The following SH3RF3 variants were observed in gnomAD, a reference collection of about 807,000 sequenced individuals.
SH3RF3 encodes E3 ubiquitin-protein ligase SH3RF3.
SH3RF3 carries 29 observed loss-of-function variants against 66.3 expected under a neutral mutation model. The ratio of observed to expected loss-of-function variants is 0.44; its 90% CI spans 0.33 to 0.60. SH3RF3 has a LOEUF of 0.60. Among genes scored for constraint, SH3RF3 ranks in the 20% least tolerant of loss-of-function variants. The pLI, the probability that SH3RF3 is intolerant of heterozygous loss-of-function variation, is 0.04. For missense variants in SH3RF3, 1,194 were observed against 1,190.9 expected, an observed-to-expected ratio of 1.00 and a Z score of -0.04; for synonymous variants, 583 against 532.0, an observed-to-expected ratio of 1.10 and a Z score of -1.32.
At chr2:109,493,997 T>A (rs1679194859) in intron 9 of SH3RF3, among the ~76,000 whole-genome samples, 2 of 152,270 alleles carry the variant, frequency 1.3e-5, no homozygotes, top group Non-Finnish European at 2.9e-5. Context: ...CTGCCTGTGT[T>A]TTCCGGATGG....
At chr2:109,170,128 A>G (rs760350939) in intron 1 of SH3RF3, among the ~76,000 whole-genome samples, 1 of 152,176 alleles carries the variant, frequency 6.6e-6, no homozygotes, top group Non-Finnish European at 1.5e-5. Flanking sequence ...AAGGTGTTTT[A>G]GAGGATTATA....
chr2:109,129,843 G>T lies in SH3RF3; in HGVS notation c.303G>T (p.Val101=). Residue 101 remains valine, a synonymous_variant, in exon 1 of 10, where the codon GTG becomes GTT. Coordinates refer to ENST00000309415, the MANE Select transcript of SH3RF3 (RefSeq NM_001099289.3). ...GCTGCCCCGAGTGCCGCATCCTGGT[G>T]GGCTGCGGCGTGGACGAACTGCCCG... ...ELRCPECRIL[V]GCGVDELPAN... is the part of the protein sequence containing the mutation. 1 of 1,531,942 alleles carries T rather than the reference G, an allele frequency of 6.5e-7. No homozygotes were observed. 94.9% of individuals were successfully genotyped at this position (1,531,942 alleles called of 1,614,324 possible).
chr2:109,392,215 C>G (rs774537827), intron 3 of SH3RF3, among the ~76,000 whole-genome samples: 4 of 152,098 alleles, frequency 2.6e-5, no homozygotes. Flanking sequence ...TGAATATATT[C>G]TTTTTTTTAC....
chr2:109,398,955 C>G lies in SH3RF3; in HGVS notation c.1299+12C>G, dbSNP rs534497883. On this transcript the variant is annotated intron_variant, in intron 4 of 9. Transcript: ENST00000309415. ...CTGCTCCCACCCAGGTAACATCCCG[C>G]GGGCCAGGGCAGGCATCCCTGGGTT... is the stretch of plus-strand genomic sequence containing the variant. The G allele has an allele frequency of 2.5e-6, 4 of 1,602,724 alleles. No homozygotes were observed. In the East Asian group the frequency reaches 8.9e-5, roughly 36 times the overall value.
At chr2:109,212,465 G>A (rs1679008745) in intron 1 of SH3RF3, among the ~76,000 whole-genome samples, 1 of 152,198 alleles carries the variant, frequency 6.6e-6, no homozygotes, top group African/African-American at 2.4e-5. Flanking sequence ...GAATTTGTTA[G>A]CAACCATCCT....
chr2:109,147,073 C>T (rs893819318), intron 1 of SH3RF3, among the ~76,000 whole-genome samples: 1 of 152,048 alleles, frequency 6.6e-6, no homozygotes, highest in African/African-American at 2.4e-5. Context: ...CAAACAAGTT[C>T]TCTTCTTCCC....
chr2:109,482,572 G>T (rs1678862704), intron 8 of SH3RF3, among the ~76,000 whole-genome samples: 1 of 152,212 alleles, frequency 6.6e-6, no homozygotes, highest in African/African-American at 2.4e-5. Flanking sequence ...CCCGCGCCCA[G>T]CCCGGGGCCA....
rs899056483 is a variant in SH3RF3, at chr2:109,152,810, C to T, written c.573+22697C>T. 2.0e-5 allele frequency among the ~76,000 whole-genome samples: 3 copies of T among 152,268 alleles called. No individual in the cohort carries two copies. The East Asian group carries it at 5.8e-4, about 29-fold the overall frequency. On this transcript the variant is annotated intron_variant, in intron 1 of 9. Coordinates refer to ENST00000309415, the MANE Select transcript of SH3RF3 (RefSeq NM_001099289.3). ...GGCCTGATGGTGGGGTGCCTATCACCGTCTCTCACATGGGCCCTCTCACAG... is the reference window on the plus strand; with the variant it reads ...GGCCTGATGGTGGGGTGCCTATCACTGTCTCTCACATGGGCCCTCTCACAG...
At chr2:109,230,767 T>G (rs914721029) in intron 1 of SH3RF3, among the ~76,000 whole-genome samples, 5 of 152,230 alleles carry the variant, frequency 3.3e-5, no homozygotes, top group African/African-American at 1.2e-4. Flanking sequence ...TGGGTTTGTC[T>G]GGACATGACC....
intron 8 of SH3RF3, among the ~76,000 whole-genome samples, chr2:109,459,070 C>T (rs1275856138): frequency 4.6e-5 from 7 of 152,060 alleles, no homozygotes; most frequent in African/African-American, 1.4e-4. Flanking sequence ...GTGCATGCGC[C>T]CTTCCCAGAA....
intron 3 of SH3RF3, among the ~76,000 whole-genome samples, chr2:109,395,923 G>A (rs1241344376): frequency 6.6e-6 from 1 of 152,196 alleles, no homozygotes; most frequent in Non-Finnish European, 1.5e-5. Flanking sequence ...GTCACAGGAG[G>A]ACTAAGTGAA....
intron 1 of SH3RF3, among the ~76,000 whole-genome samples, chr2:109,200,003 G>A (rs78001243): frequency 0.035 from 5,280 of 152,066 alleles, 151 homozygotes; most frequent in Non-Finnish European, 0.054. Flanking sequence ...AGGTGGGGTG[G>A]GTGCTGCTGA....
intron 1 of SH3RF3, among the ~76,000 whole-genome samples, chr2:109,307,378 T>C (rs1199209971): frequency 2.0e-5 from 3 of 152,156 alleles, no homozygotes; most frequent in Non-Finnish European, 4.4e-5. Flanking sequence ...AGCAGAACGC[T>C]GCATCCATGC....
chr2:109,222,386 G>A (rs73952893), intron 1 of SH3RF3, among the ~76,000 whole-genome samples: 2,809 of 152,214 alleles, frequency 0.018, 104 homozygotes, highest in African/African-American at 0.063. Context: ...TGAGGTGATG[G>A]ATATGCTAGT....
chr2:109,336,080 A>C (rs891833398), intron 1 of SH3RF3, among the ~76,000 whole-genome samples: 4 of 152,220 alleles, frequency 2.6e-5, no homozygotes, highest in African/African-American at 9.6e-5. Context: ...CATTTTGAAA[A>C]TTCAGGCAGG....
chr2:109,454,966 A>G (rs1342742122), intron 8 of SH3RF3, among the ~76,000 whole-genome samples: 4 of 152,108 alleles, frequency 2.6e-5, no homozygotes, highest in Non-Finnish European at 5.9e-5. Context: ...TGGTAGTTTT[A>G]GTTTCAGTGA....
intron 3 of SH3RF3, among the ~76,000 whole-genome samples, chr2:109,373,676 G>A (rs990621353): frequency 1.3e-5 from 2 of 152,128 alleles, no homozygotes; most frequent in Non-Finnish European, 1.5e-5. Context: ...GAGGTTCTGG[G>A]CTGCAGAAAG....
Position 109,182,371 on chromosome 2 carries a change from A to G in SH3RF3, c.573+52258A>G, listed in dbSNP as rs367674008. Among the ~76,000 whole-genome samples, 18 of 152,340 alleles carry G rather than the reference A, an allele frequency of 1.2e-4. No individual in the cohort carries two copies. In the South Asian group the frequency reaches 3.5e-3, roughly 30 times the overall value. On this transcript the variant is annotated intron_variant, in intron 1 of 9. Coordinates refer to ENST00000309415, the MANE Select transcript of SH3RF3 (RefSeq NM_001099289.3). The stretch of plus-strand genomic sequence containing the variant: ...GACAATGGCATTAACCCACTTAGGA[A>G]GGTGAAGCCCTCATGACCTAATCAC...
intron 5 of SH3RF3, among the ~76,000 whole-genome samples, chr2:109,429,213 T>A (rs1189666720): frequency 6.6e-6 from 1 of 152,064 alleles, no homozygotes; most frequent in Non-Finnish European, 1.5e-5. Context: ...CAGATGCAGT[T>A]GACCCCCACC....
Sources: gnomAD v4.1 joint callset for allele counts (sites outside exome capture counted in the v4.1 genomes callset) on GRCh38, gnomAD v4.1.1 for gene constraint, MANE v1.5 for transcripts, NCBI Gene and HGNC (gene_info 2026-07-23, HGNC 2026-07-21) for gene names.